ADGRG2: variants seen among roughly 807,000 people sequenced by gnomAD.
The protein encoded by ADGRG2 is adhesion G protein-coupled receptor G2, also known as G protein-coupled receptor 64.
In ADGRG2, 26 loss-of-function variants were observed where a neutral mutation model predicts 74.1. The ratio of observed to expected loss-of-function variants is 0.35; its 90% CI spans 0.26 to 0.49. The LOEUF is 0.49. Ranked by LOEUF, ADGRG2 falls within the 20% of genes least tolerant of loss-of-function variation. The pLI, the probability that ADGRG2 is intolerant of heterozygous loss-of-function variation, is 0.99. For synonymous variants in ADGRG2, 296 were observed against 295.2 expected, an observed-to-expected ratio of 1.00 and a Z score of -0.03; for missense variants, 619 against 763.1, an observed-to-expected ratio of 0.81 and a Z score of 2.22.
At chrX:19,088,719 C>T (rs753180893) in intron 1 of ADGRG2, among the ~76,000 whole-genome samples, 6 of 111,279 alleles carry the variant, frequency 5.4e-5, no homozygotes, top group African/African-American at 1.3e-4. Flanking sequence ...ATCCTTCTGC[C>T]TCTGCCTCCC....
At position 19,069,649 on chromosome X, in the gene ADGRG2, G is replaced by A. The variant is rs911931444; in HGVS notation, c.-1-814C>T. On this transcript the variant is annotated intron_variant, in intron 2 of 28. Coordinates refer to ENST00000379869, the MANE Select transcript of ADGRG2 (RefSeq NM_001079858.3). ...GGCAGAGGAGAGAAGAGAAGTAGCC[G>A]GACCTTGGAGAGGAGCAGCTTGACT... Among the ~76,000 whole-genome samples the A allele has an allele frequency of 9.9e-5, 11 of 111,252 alleles. No homozygotes were observed. The East Asian group carries it at 1.7e-3, about 17-fold the overall frequency.
chrX:19,116,506 CAAAA>C (rs10677696), intron 1 of ADGRG2, among the ~76,000 whole-genome samples: 6 of 24,017 alleles, frequency 2.5e-4, no homozygotes, highest in Non-Finnish European at 3.2e-4. Flanking sequence ...GATTCCGTCT[CAAAA>C]AAAAAAAAAA....
At chrX:19,058,104 C>T (rs1444512215) in intron 3 of ADGRG2, among the ~76,000 whole-genome samples, 4 of 111,885 alleles carry the variant, frequency 3.6e-5, no homozygotes. Flanking sequence ...CTTCAGTCCA[C>T]AAGTGAGGAA....
In ADGRG2 at chrX:19,007,357, C is replaced by A. The variant is rs377199000; in HGVS notation, c.1567G>T (p.Asp523Tyr). 8.5e-5 allele frequency: 103 copies of A among 1,205,246 alleles called. No individual in the cohort carries two copies. The highest frequency in any genetic ancestry group is 1.0e-4 in the Non-Finnish European group (92 of 890,986). The part of the protein sequence containing the change: ...NFFETPALFQ[D>Y]PSLENLSLIS... ...AGAGAGAGGTTCTCCAGGGAAGGAT[C>A]CTGGCACATCAAGATGGCAAGGGTA... Residue 523 changes from aspartate to tyrosine, a missense_variant and splice_region_variant, in exon 20 of 29, where the codon GAT (aspartate) becomes TAT (tyrosine). Transcript: ENST00000379869.
intron 3 of ADGRG2, among the ~76,000 whole-genome samples, chrX:19,040,855 CAAG>C (rs768004963): frequency 3.6e-5 from 4 of 110,297 alleles, no homozygotes; most frequent in East Asian, 5.6e-4. Context: ...TACAGATAAG[CAAG>C]AAGAAGAAAA....
chrX:19,115,790 C>A (rs1167317698), intron 1 of ADGRG2, among the ~76,000 whole-genome samples: 1 of 110,978 alleles, frequency 9.0e-6, no homozygotes, highest in East Asian at 2.8e-4. Context: ...CCTATCCCTA[C>A]TAAAAATACA....
chrX:19,062,765 G>C (rs770504986), intron 3 of ADGRG2, among the ~76,000 whole-genome samples: 26 of 110,641 alleles, frequency 2.3e-4, no homozygotes, highest in African/African-American at 7.9e-4. Context: ...CCTCAGAGAG[G>C]GGAATTATAG....
chrX:19,083,094 C>T (rs989427458), intron 1 of ADGRG2, among the ~76,000 whole-genome samples: 3 of 111,286 alleles, frequency 2.7e-5, no homozygotes, highest in African/African-American at 9.8e-5. Context: ...GCCTCTACCT[C>T]CCAGGTTCAA....
At chrX:19,007,400 GTT>G in intron 19 of ADGRG2, 43 bp from the exon 20 acceptor site, 1 of 1,156,509 alleles carries the variant, frequency 8.6e-7, no homozygotes. Flanking sequence ...TATTGTCAGA[GTT>G]TTAGAGCTAG....
rs1407946963 is a variant in ADGRG2, at chrX:19,051,140, T to C, written c.119-10916A>G. Among the ~76,000 whole-genome samples, 6 of 112,017 alleles carry C rather than the reference T, an allele frequency of 5.4e-5. No homozygotes were observed. In the East Asian group the frequency reaches 1.7e-3, roughly 32 times the overall value. ...CCCAGGCCGGACTGCAGTGGCGCGA[T>C]CTCGGCTCACTGCAAGCTCCGCCTT... On this transcript the variant is annotated intron_variant, in intron 3 of 28. Transcript: ENST00000379869.
intron 1 of ADGRG2, among the ~76,000 whole-genome samples, chrX:19,089,157 A>C (rs2146985368): frequency 8.9e-6 from 1 of 112,391 alleles, no homozygotes; most frequent in South Asian, 3.7e-4. Context: ...ATAACATTTT[A>C]AAAATTCAAT....
chrX:19,080,100 G>A lies in ADGRG2; in HGVS notation c.-2+2602C>T, dbSNP rs12558553. ...AATTTTTGTATTTTTAGTAGAGACAGGGTTTCACCCAGTTGGCCAGGCTGG... is the reference window on the plus strand; with the variant it reads ...AATTTTTGTATTTTTAGTAGAGACAAGGTTTCACCCAGTTGGCCAGGCTGG... On this transcript the variant is annotated intron_variant, in intron 2 of 28. Transcript: ENST00000379869. Among the ~76,000 whole-genome samples, 622 of 110,087 alleles carry A rather than the reference G, an allele frequency of 5.7e-3. 14 individuals are homozygous for A. Among genetic ancestry groups the A allele is most frequent in the Admixed American group, 0.053 (544 of 10,292 alleles).
chrX:19,028,596 T>C (rs137871865), intron 9 of ADGRG2, among the ~76,000 whole-genome samples: 7 of 110,585 alleles, frequency 6.3e-5, no homozygotes, highest in Admixed American at 2.9e-4. Context: ...CTGAGTCACA[T>C]TGAAAGAAGA....
chrX:19,095,618 T>C (rs1404047987), intron 1 of ADGRG2, among the ~76,000 whole-genome samples: 1 of 111,889 alleles, frequency 8.9e-6, no homozygotes, highest in Non-Finnish European at 1.9e-5. Context: ...ATTAGAATGA[T>C]AAATAGAATG....
chrX:19,114,370 G>A (rs774085504), intron 1 of ADGRG2, among the ~76,000 whole-genome samples: 1 of 111,197 alleles, frequency 9.0e-6, no homozygotes, highest in East Asian at 2.8e-4. Context: ...AAACCCACTA[G>A]GCAAGCATGG....
chrX:19,049,774 T>C (rs1693254570), intron 3 of ADGRG2, among the ~76,000 whole-genome samples: 1 of 111,087 alleles, frequency 9.0e-6, no homozygotes, highest in Admixed American at 9.6e-5. Flanking sequence ...CCAGAAAAGA[T>C]AGAGTGTGAA....
chrX:19,004,001 G>A, intron 23 of ADGRG2, among the ~76,000 whole-genome samples: 1 of 112,168 alleles, frequency 8.9e-6, no homozygotes, highest in East Asian at 2.8e-4. Context: ...TGGTTATTTA[G>A]TCTCACTAAT....
chrX:19,113,924 T>C (rs951128718), intron 1 of ADGRG2, among the ~76,000 whole-genome samples: 1 of 107,676 alleles, frequency 9.3e-6, no homozygotes, highest in Non-Finnish European at 1.9e-5. Context: ...CAAAGAAAAA[T>C]AGCCAGGCGT....
chrX:19,096,836 C>G (rs761541545), intron 1 of ADGRG2, among the ~76,000 whole-genome samples: 1 of 112,561 alleles, frequency 8.9e-6, no homozygotes, highest in African/African-American at 3.2e-5. Flanking sequence ...TCCTAAAATT[C>G]TTATGAGTAA....
Sources: allele counts gnomAD v4.1 joint callset (sites outside exome capture counted in the v4.1 genomes callset), GRCh38; gene constraint gnomAD v4.1.1; transcripts MANE v1.5; gene names NCBI Gene and HGNC (gene_info 2026-07-23, HGNC 2026-07-21).